MMP1: variants seen among roughly 807,000 people sequenced by gnomAD.
MMP1 encodes matrix metallopeptidase 1.
In MMP1, 51 loss-of-function variants were observed where a neutral mutation model predicts 49.6. That is an observed-to-expected ratio of 1.03 (90% CI 0.82 to 1.30). The LOEUF is 1.30. MMP1 is among the 50% of genes most tolerant of loss of function. The probability of loss-of-function intolerance (pLI) is 0.00; values close to 1 mark genes in which losing one functional copy is unlikely to be tolerated. For synonymous variants in MMP1, 230 were observed against 196.8 expected (o/e 1.17, Z -1.41); for missense variants, 623 against 568.7 (o/e 1.10, Z -0.97).
intron 6 of MMP1, 106 bp downstream of exon 6, chr11:102,795,068 G>T: frequency 1.1e-6 from 1 of 938,294 alleles, no homozygotes; most frequent in Non-Finnish European, 1.7e-6. Context: ...GATTATAGAT[G>T]TAAATCAGCA....
intron 7 of MMP1, 91 bp downstream of exon 7, chr11:102,792,514 G>T: frequency 1.5e-6 from 2 of 1,296,088 alleles, no homozygotes; most frequent in Non-Finnish European, 2.1e-6. Context: ...AAAGTCCCTG[G>T]AGAGAATGTA....
rs751464008 is a variant in MMP1, at chr11:102,795,217, C to T, written c.856G>A (p.Ala286Thr). 1 of 1,614,070 alleles carries T rather than the reference C, an allele frequency of 6.2e-7. No homozygotes were observed. Among genetic ancestry groups the T allele is most frequent in the Non-Finnish European group, 8.5e-7 (1 of 1,179,972 alleles). ...KACDSKLTFD[A>T]ITTIRGEVMF... ...ACTTCTCCCCGAATCGTAGTTATAG[C>T]ATCAAAGGTTAGCTTACTGTCACAC... The change falls in exon 6 of 10, where the codon GCT (alanine) becomes ACT (threonine). Residue 286 changes from alanine (A) to threonine (T), a missense_variant. Coordinates refer to ENST00000315274, the MANE Select transcript of MMP1 (RefSeq NM_002421.4).
rs1487668977 is a variant in MMP1, at chr11:102,794,570, G to A, written c.899+604C>T. ...GGCTGCCCCTATCTGTCCCAGGAGG[G>A]ATTTCATCAGTTCTTGGGGACTTTC... On this transcript the variant is annotated intron_variant, in intron 6 of 9. Transcript: ENST00000315274. The surrounding 1 kb of genome is among the most constrained non-coding windows in gnomAD (Gnocchi z 4.3). Among the ~76,000 whole-genome samples the A allele has an allele frequency of 6.6e-6, 1 of 152,164 alleles. No individual in the cohort carries two copies. Among genetic ancestry groups the A allele is most frequent in the African/African-American group, 2.4e-5 (1 of 41,442 alleles).
chr11:102,794,584 T>A lies in MMP1; in HGVS notation c.899+590A>T, dbSNP rs984924960. Among the ~76,000 whole-genome samples, 5 of 152,196 alleles carry A rather than the reference T, an allele frequency of 3.3e-5. No homozygotes were observed. The highest frequency in any genetic ancestry group is 7.3e-5 in the Non-Finnish European group (5 of 68,034). ...GTCCCAGGAGGGATTTCATCAGTTC[T>A]TGGGGACTTTCCCAGCATTGGTGCC... On this transcript the variant is annotated intron_variant, in intron 6 of 9. Coordinates refer to ENST00000315274, the MANE Select transcript of MMP1 (RefSeq NM_002421.4). This position sits in a 1 kb window ranked among gnomAD's most constrained non-coding sequence, Gnocchi z 4.3.
chr11:102,791,230 G>T lies in MMP1; in HGVS notation c.1196+103C>A, dbSNP rs12417847. 5,180 of 1,245,754 alleles carry T rather than the reference G, an allele frequency of 4.2e-3. 290 individuals are homozygous for T. In the Admixed American group the frequency reaches 0.095, roughly 23 times the overall value. 77.2% of individuals were successfully genotyped at this position (1,245,754 alleles called of 1,614,324 possible). A position where few individuals can be genotyped will look rare whatever the true frequency, so the allele number is the denominator to read the frequency against. On this transcript the variant is annotated intron_variant, in intron 8 of 9. Transcript: ENST00000315274. Reference sequence around the variant, plus strand: ...TTGGCACCAGCCATCTGAAGGAAAGGATGCCGGCCAAGGCAGTTTGAGACT... The same window carrying T: ...TTGGCACCAGCCATCTGAAGGAAAGTATGCCGGCCAAGGCAGTTTGAGACT...
Position 102,795,559 on chromosome 11 carries a change from C to G in MMP1, c.674G>C (p.Gly225Ala). ...VAAHELGHSLGLSHSTDIGAL... is the reference protein window; with the variant it reads ...VAAHELGHSLALSHSTDIGAL... Reference sequence around the variant, plus strand: ...CCCGATATCAGTAGAATGGGAGAGTCCAAGAGAATGGCCGAGTTCATGAGC... The same window carrying G: ...CCCGATATCAGTAGAATGGGAGAGTGCAAGAGAATGGCCGAGTTCATGAGC... Residue 225 changes from glycine to alanine, a missense_variant, in exon 5 of 10, where the codon GGA (glycine) becomes GCA (alanine). By Grantham distance (60) the Gly-to-Ala change is moderately conservative. Coordinates refer to ENST00000315274, the MANE Select transcript of MMP1 (RefSeq NM_002421.4). The G allele has an allele frequency of 1.2e-6, 2 of 1,613,854 alleles. No homozygotes were observed. Among genetic ancestry groups the G allele is most frequent in the Non-Finnish European group, 1.7e-6 (2 of 1,179,954 alleles).
chr11:102,798,047 C>T lies in MMP1; in HGVS notation c.46G>A (p.Val16Met). Residue 16 changes from valine to methionine, a missense_variant, in exon 1 of 10, where the codon GTG becomes ATG. Val to Met is a conservative substitution (Grantham distance 21). Transcript: ENST00000315274. ...AGAGTCGCTGGGAAGCTGTGAGACA[C>T]CACACCCCAGAACAGCAGCAGCAGC... ...PLLLLLFWGV[V>M]SHSFPATLET... is the part of the protein sequence containing the mutation. 1 of 1,613,370 alleles carries T rather than the reference C, an allele frequency of 6.2e-7. No homozygotes were observed. Among genetic ancestry groups the T allele is most frequent in the East Asian group, 2.2e-5 (1 of 44,888 alleles).
chr11:102,790,643 AC>A (rs1254423912), intron 9 of MMP1, 59 bp downstream of exon 9: 1 of 1,368,506 alleles, frequency 7.3e-7, no homozygotes, highest in African/African-American at 1.4e-5. Flanking sequence ...GTTCCAACTA[AC>A]AATAATGATG....
chr11:102,791,331 A>C lies in MMP1; in HGVS notation c.1196+2T>G. 1 of 1,613,730 alleles carries C rather than the reference A, an allele frequency of 6.2e-7. No homozygotes were observed. The highest frequency in any genetic ancestry group is 2.2e-5 in the East Asian group (1 of 44,878). ...CCTAACATTCTCTGCACTTAAACTT[A>C]CCTCCAGTATTTGTTAGCAACAAAG... On this transcript the variant is annotated splice_donor_variant, in intron 8 of 9. Transcript: ENST00000315274. LOFTEE classifies it high-confidence loss of function.
Position 102,797,239 on chromosome 11 carries a change from G to T in MMP1, c.350+17C>A, listed in dbSNP as rs749745165. On this transcript the variant is annotated intron_variant, in intron 2 of 9. Transcript: ENST00000315274. Reference sequence around the variant, plus strand: ...CATGGGAAATAGCTCTCTCACTCTGGCCCTCAGTCTGCCTACCTGTAGGTC... The same window carrying T: ...CATGGGAAATAGCTCTCTCACTCTGTCCCTCAGTCTGCCTACCTGTAGGTC... The T allele has an allele frequency of 1.9e-6, 3 of 1,613,932 alleles. No homozygotes were observed. The highest frequency in any genetic ancestry group is 3.3e-5 in the Admixed American group (2 of 59,994).
rs142693123 is a variant in MMP1, at chr11:102,791,212, C to A, written c.1196+121G>T. 1,820 of 982,682 alleles carry A rather than the reference C, an allele frequency of 1.9e-3. 21 individuals are homozygous for A. The African/African-American group carries it at 0.024, about 13-fold the overall frequency. 60.9% of individuals were successfully genotyped at this position (982,682 alleles called of 1,614,324 possible). On this transcript the variant is annotated intron_variant, in intron 8 of 9. Transcript: ENST00000315274. ...GACTAAATAGATGATAGATTGGCACCAGCCATCTGAAGGAAAGGATGCCGG... is the reference window on the plus strand; with the variant it reads ...GACTAAATAGATGATAGATTGGCACAAGCCATCTGAAGGAAAGGATGCCGG...
chr11:102,792,031 C>T (rs769117712), intron 7 of MMP1, among the ~76,000 whole-genome samples: 3 of 152,190 alleles, frequency 2.0e-5, no homozygotes, highest in Non-Finnish European at 4.4e-5. Context: ...AAGCTGGTCT[C>T]ATATACTAAA....
In MMP1 at chr11:102,797,442, C is replaced by G. The variant is rs749127522; in HGVS notation, c.164G>C (p.Arg55Thr). Residue 55 changes from arginine (R) to threonine (T), a missense_variant, in exon 2 of 10, where the codon AGA becomes ACA. Arg to Thr is a moderately conservative substitution (Grantham distance 71, BLOSUM62 -1). Coordinates refer to ENST00000315274, the MANE Select transcript of MMP1 (RefSeq NM_002421.4). ...KNDGRQVEKR[R>T]NSGPVVEKLK... ...TTTTTCAACCACTGGGCCACTATTT[C>G]TCCGCTTTTCAACTTGCCTCCCATC... The G allele has an allele frequency of 6.8e-6, 11 of 1,614,084 alleles. No individual in the cohort carries two copies. The highest frequency in any genetic ancestry group is 8.5e-7 in the Non-Finnish European group (1 of 1,180,038).
At chr11:102,795,698 T>C in intron 4 of MMP1, 91 bp from the exon 5 acceptor site, 1 of 1,083,418 alleles carries the variant, frequency 9.2e-7, no homozygotes, top group Non-Finnish European at 1.3e-6. Flanking sequence ...CTACAAGGAC[T>C]CATGTTACTA....
chr11:102,797,864 G>A (rs1858245963), intron 1 of MMP1, 124 bp downstream of exon 1: 1 of 655,446 alleles, frequency 1.5e-6, no homozygotes, highest in South Asian at 2.2e-5. Context: ...GGAGGGTGCT[G>A]TTTCTAGCAA....
rs1565213301 is a variant in MMP1 at position 102,797,438 on chromosome 11, AT to A, written c.167del (p.Asn56IlefsTer9). ...TCAATTTTTCAACCACTGGGCCACT[AT>A]TTCTCCGCTTTTCAACTTGCCTCCC... ...NDGRQVEKRR[N>X]SGPVVEKLKQ... On this transcript the variant is annotated frameshift_variant, in exon 2 of 10. Transcript: ENST00000315274. LOFTEE classifies it high-confidence loss of function. The A allele has an allele frequency of 6.2e-7, 1 of 1,614,060 alleles. No homozygotes were observed. Among genetic ancestry groups the A allele is most frequent in the South Asian group, 1.1e-5 (1 of 91,084 alleles).
Position 102,798,073 on chromosome 11 carries a change from A to C in MMP1, c.20T>G (p.Leu7Arg). The C allele has an allele frequency of 6.2e-7, 1 of 1,611,408 alleles. No individual in the cohort carries two copies. The highest frequency in any genetic ancestry group is 8.5e-7 in the Non-Finnish European group (1 of 1,179,820). The stretch of plus-strand genomic sequence containing the variant: ...CACACCCCAGAACAGCAGCAGCAGC[A>C]GTGGAGGAAAGCTGTGCATACTGGC... MHSFPP[L>R]LLLLFWGVVS... The change falls in exon 1 of 10, where the codon CTG (leucine) becomes CGG (arginine). Residue 7 changes from leucine to arginine, a missense_variant. Physicochemically the swap from Leu to Arg is moderately radical, Grantham distance 102. Coordinates refer to ENST00000315274, the MANE Select transcript of MMP1 (RefSeq NM_002421.4).
At chr11:102,797,544 T>C in intron 1 of MMP1, 44 bp from the exon 2 acceptor site, 1 of 1,603,748 alleles carries the variant, frequency 6.2e-7, no homozygotes, top group Non-Finnish European at 8.5e-7. Context: ...GAAATCTTTC[T>C]CATTATTCTA....
rs749745165 is a variant in MMP1 at position 102,797,239 on chromosome 11, G to A, written c.350+17C>T. The A allele has an allele frequency of 6.2e-7, 1 of 1,613,932 alleles. No homozygotes were observed. Among genetic ancestry groups the A allele is most frequent in the Admixed American group, 1.7e-5 (1 of 59,994 alleles). ...CATGGGAAATAGCTCTCTCACTCTG[G>A]CCCTCAGTCTGCCTACCTGTAGGTC... is the stretch of plus-strand genomic sequence containing the variant. On this transcript the variant is annotated intron_variant, in intron 2 of 9. Coordinates refer to ENST00000315274, the MANE Select transcript of MMP1 (RefSeq NM_002421.4).
Sources: gnomAD v4.1 joint callset for allele counts (sites outside exome capture counted in the v4.1 genomes callset) on GRCh38, gnomAD v4.1.1 for gene constraint, Gnocchi (gnomAD v3.1) non-coding constraint, MANE v1.5 for transcripts, NCBI Gene and HGNC (gene_info 2026-07-23, HGNC 2026-07-21) for gene names.